The following PPARG variants were observed in gnomAD, a reference collection of about 807,000 sequenced individuals.
PPARG encodes peroxisome proliferator-activated receptor gamma.
PPARG carries 17 observed loss-of-function variants against 39.2 expected under a neutral mutation model. The observed-to-expected ratio is 0.43, with a 90% CI of 0.30 to 0.65. PPARG has a LOEUF of 0.65. PPARG is among the 30% of genes least tolerant of loss of function. The pLI, the probability that PPARG is intolerant of heterozygous loss-of-function variation, is 0.13. For missense variants in PPARG, 406 were observed against 585.9 expected, an observed-to-expected ratio of 0.69 and a Z score of 3.17; for synonymous variants, 223 against 215.7, an observed-to-expected ratio of 1.03 and a Z score of -0.30.
chr3:12,328,155 G>A, intron 2 of PPARG: 1 of 1,280,038 alleles, frequency 7.8e-7, no homozygotes, highest in African/African-American at 1.5e-5. Context: ...AACTGTTAGA[G>A]AAGCAGCAAA....
At chr3:12,322,163 C>T (rs1344674823) in intron 2 of PPARG, among the ~76,000 whole-genome samples, 1 of 152,192 alleles carries the variant, frequency 6.6e-6, no homozygotes, top group African/African-American at 2.4e-5. Flanking sequence ...ACATAGATCC[C>T]TTTACTAGCC....
intron 7 of PPARG, among the ~76,000 whole-genome samples, chr3:12,433,151 G>C (rs1479393180): frequency 6.6e-6 from 1 of 152,106 alleles, no homozygotes; most frequent in Non-Finnish European, 1.5e-5. Context: ...TTTTTTAAAA[G>C]CATATTTGTG....
intron 4 of PPARG, 151 bp downstream of exon 4, chr3:12,381,642 A>G (rs2049666406): frequency 1.3e-6 from 1 of 756,444 alleles, no homozygotes; most frequent in Non-Finnish European, 2.2e-6. Flanking sequence ...CAGTGGTGCT[A>G]TCCTAGCACA....
chr3:12,316,629 A>T (rs2047396199), intron 2 of PPARG, among the ~76,000 whole-genome samples: 3 of 152,158 alleles, frequency 2.0e-5, no homozygotes. Context: ...AAAAAAAGTA[A>T]CAAGTCTTCA....
At chr3:12,364,264 T>C (rs1209015603) in intron 2 of PPARG, among the ~76,000 whole-genome samples, 2 of 152,212 alleles carry the variant, frequency 1.3e-5, no homozygotes, top group African/African-American at 4.8e-5. Context: ...CCTGTTTTGA[T>C]AGTTTTGCGC....
intron 2 of PPARG, among the ~76,000 whole-genome samples, chr3:12,344,415 C>CA (rs56037220): frequency 1 from 151,877 of 151,878 alleles, 75,938 homozygotes; most frequent in Middle Eastern, 1. Context: ...TAGACTGAAC[C>CA]ATCTACTATT....
chr3:12,368,382 A>G (rs1201777493), intron 2 of PPARG, among the ~76,000 whole-genome samples: 1 of 151,948 alleles, frequency 6.6e-6, no homozygotes, highest in Non-Finnish European at 1.5e-5. Context: ...GGGTTTCACC[A>G]TGTAGGCCAG....
chr3:12,307,135 A>ATTT (rs2047092740), intron 1 of PPARG, among the ~76,000 whole-genome samples: 1 of 130,002 alleles, frequency 7.7e-6, no homozygotes, highest in East Asian at 2.3e-4. Flanking sequence ...CTGTTAGGAA[A>ATTT]TTCTTTTTTT....
At chr3:12,334,579 G>T (rs915982364) in intron 2 of PPARG, among the ~76,000 whole-genome samples, 8 of 152,112 alleles carry the variant, frequency 5.3e-5, no homozygotes, top group African/African-American at 1.9e-4. Context: ...CTGGTTGAAT[G>T]ATTTGGGCCA....
intron 6 of PPARG, among the ~76,000 whole-genome samples, chr3:12,410,418 A>T (rs969571330): frequency 3.3e-5 from 5 of 152,236 alleles, no homozygotes; most frequent in Admixed American, 1.3e-4. Context: ...AGTGGTTTTC[A>T]AAAACCATTT....
chr3:12,425,279 C>A (rs755460465), intron 7 of PPARG, among the ~76,000 whole-genome samples: 1 of 152,168 alleles, frequency 6.6e-6, no homozygotes, highest in Non-Finnish European at 1.5e-5. Context: ...TTGGGGACTT[C>A]ATGTGTTTAG....
At chr3:12,349,440 C>T (rs899374760) in intron 2 of PPARG, among the ~76,000 whole-genome samples, 1 of 152,126 alleles carries the variant, frequency 6.6e-6, no homozygotes, top group Non-Finnish European at 1.5e-5. Context: ...CATTGTATAA[C>T]TGTTTTGTTA....
At chr3:12,348,353 T>A (rs2048385399) in intron 2 of PPARG, among the ~76,000 whole-genome samples, 1 of 152,226 alleles carries the variant, frequency 6.6e-6, no homozygotes. Context: ...TGTGAAGAGT[T>A]TTTATGGCTG....
intron 2 of PPARG, among the ~76,000 whole-genome samples, chr3:12,318,855 C>G (rs891853561): frequency 2.0e-5 from 3 of 150,330 alleles, no homozygotes; most frequent in Admixed American, 6.6e-5. Context: ...TCATACTGTT[C>G]TAGTTTTTTT....
At chr3:12,396,499 A>G (rs1293963466) in intron 5 of PPARG, among the ~76,000 whole-genome samples, 1 of 152,134 alleles carries the variant, frequency 6.6e-6, no homozygotes. Context: ...GCTCATGCCT[A>G]TAATCCCAGC....
At chr3:12,418,612 C>G (rs530237833) in intron 7 of PPARG, among the ~76,000 whole-genome samples, 2 of 152,310 alleles carry the variant, frequency 1.3e-5, no homozygotes, top group East Asian at 3.9e-4. Flanking sequence ...CTAAGCACTT[C>G]ATGCATATTT....
intron 1 of PPARG, among the ~76,000 whole-genome samples, chr3:12,299,085 T>C (rs1196768115): frequency 6.6e-6 from 1 of 152,204 alleles, no homozygotes; most frequent in East Asian, 1.9e-4. Flanking sequence ...TCCTCTGGCC[T>C]CTGCCTCCCA....
In PPARG at chr3:12,312,436, G is replaced by A. The variant is rs961279154; in HGVS notation, c.-26G>A. 7 of 152,198 alleles carry A rather than the reference G, an allele frequency of 4.6e-5. No individual in the cohort carries two copies. Among genetic ancestry groups the A allele is most frequent in the Non-Finnish European group, 8.8e-5 (6 of 68,028 alleles). The allele number at this position is 152,198 out of a possible 1,614,324, so 9.4% of individuals were successfully genotyped here. ...ATACAACAAGGCCATTTTCTCAAAC[G>A]AGAGTCAGCCTTTAACGGTAAGTAA... On this transcript the variant is annotated 5_prime_UTR_variant, in exon 2 of 8. Coordinates refer to ENST00000651735, the MANE Select transcript of PPARG (RefSeq NM_138711.6).
intron 2 of PPARG, among the ~76,000 whole-genome samples, chr3:12,341,801 C>T (rs540875089): frequency 9.3e-5 from 14 of 150,878 alleles, no homozygotes; most frequent in Non-Finnish European, 1.9e-4. Context: ...AGAGCAAGAC[C>T]CTGTCTCAAA....
Sources: gnomAD v4.1 joint callset for allele counts (sites outside exome capture counted in the v4.1 genomes callset) on GRCh38, gnomAD v4.1.1 for gene constraint, MANE v1.5 for transcripts, NCBI Gene and HGNC (gene_info 2026-07-23, HGNC 2026-07-21) for gene names.